The following SLC18A1 variants were observed in gnomAD, a reference collection of about 807,000 sequenced individuals.
The protein encoded by SLC18A1 is chromaffin granule amine transporter.
Under a neutral mutation model 53.7 loss-of-function variants are expected in SLC18A1, and 69 were observed. The observed-to-expected ratio is 1.28, with a 90% CI of 1.06 to 1.57. The LOEUF (loss-of-function observed/expected upper bound fraction) is 1.57, where lower values mean the gene tolerates loss of function less well. SLC18A1 is among the 40% of genes most tolerant of loss of function. The probability of loss-of-function intolerance (pLI) is 0.00; values close to 1 mark genes in which losing one functional copy is unlikely to be tolerated. For missense variants in SLC18A1, 932 were observed against 668.1 expected (o/e 1.40, Z -4.35); for synonymous variants, 320 against 248.1 (o/e 1.29, Z -2.72).
intron 10 of SLC18A1, among the ~76,000 whole-genome samples, chr8:20,157,265 G>C (rs1283294038): frequency 6.6e-6 from 1 of 152,122 alleles, no homozygotes; most frequent in African/African-American, 2.4e-5. Flanking sequence ...TAATGTTACT[G>C]CTAGATCAGA....
At chr8:20,167,196 C>T (rs2128875596) in intron 8 of SLC18A1, among the ~76,000 whole-genome samples, 1 of 150,822 alleles carries the variant, frequency 6.6e-6, no homozygotes, top group Admixed American at 6.6e-5. Context: ...ATTACATAAT[C>T]ACACTAAAGG....
At position 20,153,429 on chromosome 8, in the gene SLC18A1, G is replaced by C. The variant is rs184071300; in HGVS notation, c.1016-2685C>G. Among the ~76,000 whole-genome samples, 582 of 152,326 alleles carry C rather than the reference G, an allele frequency of 3.8e-3. 4 individuals carry two copies. The highest frequency in any genetic ancestry group is 0.013 in the African/African-American group (559 of 41,570). ...GCTGTGGCTCACGCCTGTAATCCCA[G>C]CACTTTGGGAGGCAGAGGCGGGTGG... On this transcript the variant is annotated intron_variant, in intron 10 of 15. Coordinates refer to ENST00000276373, the MANE Select transcript of SLC18A1 (RefSeq NM_003053.4).
rs576730203 is a variant in SLC18A1 at position 20,171,150 on chromosome 8, A to G, written c.815-4T>C. ...TGTAGGATGCAAAGCTGGAGTGCTA[A>G]GAAACAAAGAAGGTGAGACAGTTCA... is the stretch of plus-strand genomic sequence containing the variant. On this transcript the variant is annotated splice_region_variant and splice_polypyrimidine_tract_variant and intron_variant, in intron 7 of 15. Coordinates refer to ENST00000276373, the MANE Select transcript of SLC18A1 (RefSeq NM_003053.4). The G allele has an allele frequency of 6.2e-7, 1 of 1,614,214 alleles. No homozygotes were observed. The highest frequency in any genetic ancestry group is 1.3e-5 in the African/African-American group (1 of 75,068).
chr8:20,155,894 C>T (rs947866838), intron 10 of SLC18A1, among the ~76,000 whole-genome samples: 3 of 152,158 alleles, frequency 2.0e-5, no homozygotes, highest in Non-Finnish European at 2.9e-5. Context: ...ATGTGGGACC[C>T]GTTCCCCACC....
Position 20,145,711 on chromosome 8 carries a change from G to A in SLC18A1, c.*52C>T. On this transcript the variant is annotated 3_prime_UTR_variant, in exon 16 of 16. Coordinates refer to ENST00000276373, the MANE Select transcript of SLC18A1 (RefSeq NM_003053.4). The stretch of plus-strand genomic sequence containing the variant: ...GCTCAGCCATGGTGATCTGGTCCCA[G>A]GGAAAGAGGTGGTCACTGAGGCATC... The A allele has an allele frequency of 8.3e-7, 1 of 1,204,904 alleles. No individual in the cohort carries two copies. The highest frequency in any genetic ancestry group is 1.2e-6 in the Non-Finnish European group (1 of 829,658). 74.6% of individuals were successfully genotyped at this position (1,204,904 alleles called of 1,614,324 possible).
chr8:20,177,747 C>G (rs1458967229), intron 4 of SLC18A1, among the ~76,000 whole-genome samples: 1 of 152,204 alleles, frequency 6.6e-6, no homozygotes, highest in African/African-American at 2.4e-5. Context: ...CACAGGCTGC[C>G]TTCCCCTGCC....
chr8:20,179,208 T>C lies in SLC18A1; in HGVS notation c.401A>G (p.Glu134Gly). 6.2e-7 allele frequency: 1 copy of C among 1,614,146 alleles called. No individual in the cohort carries two copies. Among genetic ancestry groups the C allele is most frequent in the Middle Eastern group, 1.6e-4 (1 of 6,062 alleles). The change falls in exon 3 of 16, where the codon GAA becomes GGA. Residue 134 changes from glutamate (E) to glycine (G), a missense_variant. Transcript: ENST00000276373. ...CAGAACCCCGACCCGGGTAATCTCT[T>C]CCTCCAAGAAACCTGTGCCTTGCAA... ...NCLQGTGFLE[E>G]EITRVGVLFA...
intron 2 of SLC18A1, among the ~76,000 whole-genome samples, chr8:20,180,543 G>C (rs1563777239): frequency 6.6e-6 from 1 of 152,192 alleles, no homozygotes. Context: ...ACCTTGAGAA[G>C]ACAGTGTGGG....
Position 20,179,479 on chromosome 8 carries a change from T to C in SLC18A1, c.130A>G (p.Ile44Val), listed in dbSNP as rs769687735. The change falls in exon 3 of 16, where the codon ATT becomes GTT. Residue 44 changes from isoleucine (I) to valine (V), a missense_variant. Physicochemically the swap from Ile to Val is conservative, Grantham distance 29. Coordinates refer to ENST00000276373, the MANE Select transcript of SLC18A1 (RefSeq NM_003053.4). ...DNMLFTVVVPIVPTFLYDMEF... is the reference protein window; with the variant it reads ...DNMLFTVVVPVVPTFLYDMEF... ...ATGTCATATAGGAAGGTGGGCACAATTGGCACTGAAAGTCAAAGAGGACAG... is the reference window on the plus strand; with the variant it reads ...ATGTCATATAGGAAGGTGGGCACAACTGGCACTGAAAGTCAAAGAGGACAG... 5.6e-6 allele frequency: 9 copies of C among 1,608,282 alleles called. No homozygotes were observed. The highest frequency in any genetic ancestry group is 1.7e-5 in the Admixed American group (1 of 59,828).
intron 10 of SLC18A1, among the ~76,000 whole-genome samples, chr8:20,157,350 G>C (rs1485905476): frequency 6.6e-6 from 1 of 152,176 alleles, no homozygotes; most frequent in Middle Eastern, 3.2e-3. Flanking sequence ...TCTCAGTCAG[G>C]TCAATGATAG....
At chr8:20,165,020 C>T (rs2071921321) in intron 9 of SLC18A1, 27 bp downstream of exon 9, 10 of 1,613,992 alleles carry the variant, frequency 6.2e-6, no homozygotes, top group Non-Finnish European at 7.6e-6. Flanking sequence ...ACACTCCCCG[C>T]CCAATGGGAG....
chr8:20,178,403 GA>G (rs2072305327), intron 4 of SLC18A1, 31 bp downstream of exon 4: 1 of 1,569,832 alleles, frequency 6.4e-7, no homozygotes, highest in Admixed American at 1.7e-5. Context: ...GGTAATCAGT[GA>G]AGGGAAGAAA....
chr8:20,149,022 A>C (rs1041156538), intron 12 of SLC18A1, among the ~76,000 whole-genome samples: 3 of 152,106 alleles, frequency 2.0e-5, no homozygotes, highest in Non-Finnish European at 4.4e-5. Flanking sequence ...CCCGGATCCC[A>C]TGCTCCTGCT....
At chr8:20,146,812 G>A (rs966769349) in intron 15 of SLC18A1, among the ~76,000 whole-genome samples, 11 of 115,386 alleles carry the variant, frequency 9.5e-5, no homozygotes, top group African/African-American at 3.7e-4. Context: ...CAACAAGAGT[G>A]AAACTCCATC....
intron 10 of SLC18A1, among the ~76,000 whole-genome samples, chr8:20,157,758 T>A (rs1025500329): frequency 7.2e-5 from 11 of 152,094 alleles, no homozygotes; most frequent in African/African-American, 2.4e-4. Context: ...CTTGGCAACC[T>A]CAGTTTTTTA....
At chr8:20,171,066 G>A (rs566378007) in intron 8 of SLC18A1, 37 bp downstream of exon 8, 4 of 1,607,016 alleles carry the variant, frequency 2.5e-6, no homozygotes, top group Middle Eastern at 3.3e-4. Context: ...CAGCCATCCT[G>A]TATAACTGTT....
chr8:20,152,166 A>G (rs1308112943), intron 10 of SLC18A1, among the ~76,000 whole-genome samples: 1 of 152,216 alleles, frequency 6.6e-6, no homozygotes, highest in Admixed American at 6.5e-5. Flanking sequence ...AGATGTCTTA[A>G]AGAAATCATT....
In SLC18A1 at chr8:20,171,616, G is replaced by A. The variant is rs559788769; in HGVS notation, c.725-122C>T. The A allele has an allele frequency of 5.1e-5, 37 of 723,202 alleles. No individual in the cohort carries two copies. In the South Asian group the frequency reaches 5.4e-4, roughly 11 times the overall value. 44.8% of individuals were successfully genotyped at this position (723,202 alleles called of 1,614,324 possible). A position where few individuals can be genotyped will look rare whatever the true frequency, so the allele number is the denominator to read the frequency against. ...TGCTAGGGGCTAAGCTCCACCTGAG[G>A]CTCTGGGAATTCAGAGATGGAGACA... On this transcript the variant is annotated intron_variant, in intron 6 of 15. Coordinates refer to ENST00000276373, the MANE Select transcript of SLC18A1 (RefSeq NM_003053.4).
At chr8:20,147,225 T>A in intron 15 of SLC18A1, 33 bp downstream of exon 15, 2 of 1,564,756 alleles carry the variant, frequency 1.3e-6, no homozygotes, top group Non-Finnish European at 1.7e-6. Flanking sequence ...GAAACAGAAG[T>A]GAATTTCTCT....
Sources: gnomAD v4.1 joint callset for allele counts (sites outside exome capture counted in the v4.1 genomes callset) on GRCh38, gnomAD v4.1.1 for gene constraint, MANE v1.5 for transcripts, NCBI Gene and HGNC (gene_info 2026-07-23, HGNC 2026-07-21) for gene names.